The following TENM3 variants were observed in gnomAD, a reference collection of about 807,000 sequenced individuals.
The protein encoded by TENM3 is teneurin transmembrane protein 3.
Under a neutral mutation model 255.1 loss-of-function variants are expected in TENM3, and 63 were observed. That is an observed-to-expected ratio of 0.25 (90% CI 0.20 to 0.30). The LOEUF (loss-of-function observed/expected upper bound fraction) is 0.30. TENM3 is among the 10% of genes least tolerant of loss of function. The pLI is 1.00. For synonymous variants in TENM3, 1,306 were observed against 1,322.3 expected, an observed-to-expected ratio of 0.99 and a Z score of 0.27; for missense variants, 2,929 against 3,461.1, an observed-to-expected ratio of 0.85 and a Z score of 3.86.
intron 3 of TENM3, among the ~76,000 whole-genome samples, chr4:182,570,936 G>T (rs1198088936): frequency 6.6e-6 from 1 of 152,150 alleles, no homozygotes; most frequent in Non-Finnish European, 1.5e-5. Context: ...CTGTGAGAAG[G>T]CTGTGTGCTG....
At chr4:182,279,167 G>A (rs1760205732) in intron 1 of TENM3, among the ~76,000 whole-genome samples, 1 of 152,196 alleles carries the variant, frequency 6.6e-6, no homozygotes, top group African/African-American at 2.4e-5. Context: ...GATCCGCAGT[G>A]TCTTTATTTG....
chr4:181,931,898 C>T, the TENM3 span, among the ~76,000 whole-genome samples: 1 of 152,074 alleles, frequency 6.6e-6, no homozygotes, highest in African/African-American at 2.4e-5. Context: ...ACAAACCTGA[C>T]AAAAACAAGC....
At chr4:181,900,519 A>G in the TENM3 span, among the ~76,000 whole-genome samples, 2 of 152,314 alleles carry the variant, frequency 1.3e-5, no homozygotes, top group South Asian at 4.1e-4. Context: ...ATATACCTAT[A>G]TATAGCTCCA....
chr4:182,126,451 C>T, the TENM3 span, among the ~76,000 whole-genome samples: 2 of 152,126 alleles, frequency 1.3e-5, no homozygotes, highest in African/African-American at 4.8e-5. Context: ...AACAGAAGTT[C>T]GGTGCTTTAG....
chr4:181,703,359 GCTTT>G, the TENM3 span, among the ~76,000 whole-genome samples: 6 of 152,250 alleles, frequency 3.9e-5, no homozygotes, highest in South Asian at 1.0e-3. Context: ...TTACCCTCAG[GCTTT>G]CTTTCCTACA....
intron 3 of TENM3, among the ~76,000 whole-genome samples, chr4:182,506,234 T>C (rs1580772155): frequency 1.3e-5 from 2 of 152,074 alleles, no homozygotes; most frequent in South Asian, 4.1e-4. Context: ...CCTTTGATTG[T>C]TTTTGTTTTT....
chr4:182,509,752 A>G (rs1737192728), intron 3 of TENM3, among the ~76,000 whole-genome samples: 1 of 152,114 alleles, frequency 6.6e-6, no homozygotes, highest in South Asian at 2.1e-4. Flanking sequence ...AGCCTGACCA[A>G]CATAGAGAAA....
At chr4:182,344,486 GTGT>G (rs1474407055) in intron 2 of TENM3, among the ~76,000 whole-genome samples, 8 of 152,066 alleles carry the variant, frequency 5.3e-5, no homozygotes, top group African/African-American at 1.9e-4. Context: ...AAAGTGAACT[GTGT>G]TTACATACCT....
rs374631691 is a variant in TENM3 at position 182,351,560 on chromosome 4, G to A, written c.511+4631G>A. 7.1e-4 allele frequency among the ~76,000 whole-genome samples: 108 copies of A among 152,290 alleles called. 1 individual carries two copies. Among genetic ancestry groups the A allele is most frequent in the African/African-American group, 2.4e-3 (101 of 41,572 alleles). On this transcript the variant is annotated intron_variant, in intron 3 of 27. Transcript: ENST00000511685. ...AGTTCTGGAGGGGCGGAGCTCTCCT[G>A]TTGGAGTCTAGTTCCTTCTTCCAGC...
chr4:181,525,038 TTGTTTAA>T, the TENM3 span, among the ~76,000 whole-genome samples: 1 of 152,196 alleles, frequency 6.6e-6, no homozygotes, highest in Non-Finnish European at 1.5e-5. Flanking sequence ...CATGAACCTA[TTGTTTAA>T]TGCAGATTTT....
chr4:182,621,695 T>TTATATATAATATGTATTA (rs1750207136), intron 4 of TENM3, among the ~76,000 whole-genome samples: 2 of 5,378 alleles, frequency 3.7e-4, no homozygotes, highest in African/African-American at 6.8e-4. Context: ...ATAATATATA[T>TTATATATAATATGTATTA]TATATATAAA....
At position 182,680,647 on chromosome 4, in the gene TENM3, T is replaced by C. The variant is rs1038429322; in HGVS notation, c.1744T>C (p.Cys582Arg). 6.2e-7 allele frequency: 1 copy of C among 1,612,770 alleles called. No individual in the cohort carries two copies. Among genetic ancestry groups the C allele is most frequent in the Non-Finnish European group, 8.5e-7 (1 of 1,179,612 alleles). Reference protein sequence around the residue: ...GTECDVPTTQCIDPQCGGRGI... With the variant: ...GTECDVPTTQRIDPQCGGRGI... ...CGAGTGTGATGTGCCGACTACCCAG[T>C]GTATTGACCCACAGTGTGGGGGTCG... is the stretch of plus-strand genomic sequence containing the variant. The change falls in exon 10 of 28, where the codon TGT becomes CGT. Residue 582 changes from cysteine (C) to arginine (R), a missense_variant. Cys to Arg is a radical substitution (Grantham distance 180). Coordinates refer to ENST00000511685, the MANE Select transcript of TENM3 (RefSeq NM_001080477.4).
chr4:181,499,884 C>G, the TENM3 span, among the ~76,000 whole-genome samples: 1 of 152,268 alleles, frequency 6.6e-6, no homozygotes, highest in Non-Finnish European at 1.5e-5. Flanking sequence ...GAAAGGTAAA[C>G]TTTCAGAAGT....
intron 3 of TENM3, among the ~76,000 whole-genome samples, chr4:182,402,558 A>C (rs1769280189): frequency 6.6e-6 from 1 of 152,204 alleles, no homozygotes; most frequent in Admixed American, 6.5e-5. Flanking sequence ...AGTGGACATA[A>C]TGAAAATTTT....
the TENM3 span, among the ~76,000 whole-genome samples, chr4:181,792,308 T>G: frequency 6.6e-6 from 1 of 152,332 alleles, no homozygotes; most frequent in Admixed American, 6.5e-5. Context: ...TTGAAGCTTT[T>G]ATTTTGGCTC....
intron 3 of TENM3, among the ~76,000 whole-genome samples, chr4:182,494,376 T>G (rs1428896515): frequency 6.6e-6 from 1 of 152,210 alleles, no homozygotes; most frequent in Non-Finnish European, 1.5e-5. Flanking sequence ...AGAAACCACA[T>G]TCACATAACT....
Position 182,792,809 on chromosome 4 carries a change from T to TTGA in TENM3, c.6141_6143dup (p.Asp2048dup). ...CCACTGCCTATTGATCTGTATCAGT[T>TTGA]TGATGACATTTCTGGCAAAGTTGAG... On this transcript the variant is annotated inframe_insertion, in exon 26 of 28. Transcript: ENST00000511685. This position sits in a 1 kb window ranked among gnomAD's most constrained non-coding sequence, Gnocchi z 6.3. 6.2e-7 allele frequency: 1 copy of TTGA among 1,613,952 alleles called. No homozygotes were observed. The highest frequency in any genetic ancestry group is 8.5e-7 in the Non-Finnish European group (1 of 1,179,870).
At chr4:182,425,843 A>G (rs1444635089) in intron 3 of TENM3, among the ~76,000 whole-genome samples, 1 of 151,980 alleles carries the variant, frequency 6.6e-6, no homozygotes, top group African/African-American at 2.4e-5. Context: ...CCCTGTCTCT[A>G]CTAAAAACAC....
intron 3 of TENM3, among the ~76,000 whole-genome samples, chr4:182,570,829 C>CA (rs35697079): frequency 0.11 from 15,188 of 144,480 alleles, 961 homozygotes; most frequent in Non-Finnish European, 0.15. Flanking sequence ...GACTCTGTGT[C>CA]AAAAAAAAAA....
Sources: allele counts gnomAD v4.1 joint callset (sites outside exome capture counted in the v4.1 genomes callset), GRCh38; gene constraint gnomAD v4.1.1; non-coding constraint Gnocchi (gnomAD v3.1); transcripts MANE v1.5; gene names NCBI Gene and HGNC (gene_info 2026-07-23, HGNC 2026-07-21).